Variants in ZSCAN18 observed in about 807,000 individuals in gnomAD.
ZSCAN18 encodes the protein zinc finger and SCAN domain-containing protein 18.
A neutral mutation model predicts 31.1 loss-of-function variants in ZSCAN18; 16 were observed. The ratio of observed to expected loss-of-function variants is 0.51; its 90% CI spans 0.35 to 0.78. ZSCAN18 has a LOEUF of 0.78. Ranked by LOEUF, ZSCAN18 falls within the 30% of genes least tolerant of loss-of-function variation. The probability of loss-of-function intolerance (pLI) is 0.01; values close to 1 mark genes in which losing one functional copy is unlikely to be tolerated. For missense variants in ZSCAN18, 731 were observed against 697.4 expected, an observed-to-expected ratio of 1.05 and a Z score of -0.54; for synonymous variants, 375 against 320.7, an observed-to-expected ratio of 1.17 and a Z score of -1.81.
At chr19:58,105,272 G>A (rs545840952) in intron 1 of ZSCAN18, among the ~76,000 whole-genome samples, 1 of 152,300 alleles carries the variant, frequency 6.6e-6, no homozygotes, top group South Asian at 2.1e-4. Context: ...AGACATAGAA[G>A]GAAATTAATG....
chr19:58,115,938 A>T (rs181510962), intron 1 of ZSCAN18, among the ~76,000 whole-genome samples: 6 of 151,982 alleles, frequency 3.9e-5, no homozygotes, highest in Admixed American at 2.6e-4. Flanking sequence ...AACGCTGAAA[A>T]CCTGGAAACT....
Position 58,085,358 on chromosome 19 carries a change from C to A in ZSCAN18, c.860G>T (p.Ser287Ile). Residue 287 changes from serine (S) to isoleucine (I), a missense_variant, in exon 7 of 7, where the codon AGC becomes ATC. This residue lies in a region of ZSCAN18 where 597 missense variants were observed against 499.5 expected (regional missense o/e 1.20). Coordinates refer to ENST00000601144, the MANE Select transcript of ZSCAN18 (RefSeq NM_001145543.2). The stretch of plus-strand genomic sequence containing the variant: ...GGCCTCCTCGCAGGCGCACCCAGCG[C>A]TCTCCTGCCGCCTCCCGCCTTCTGG... ...SLPEGGRRQE[S>I]AGCACEEAAP... 1.3e-6 allele frequency: 2 copies of A among 1,591,514 alleles called. No individual in the cohort carries two copies. The highest frequency in any genetic ancestry group is 1.7e-6 in the Non-Finnish European group (2 of 1,177,248).
intron 1 of ZSCAN18, chr19:58,107,714 G>C: frequency 1.0e-6 from 1 of 989,258 alleles, no homozygotes; most frequent in Non-Finnish European, 1.2e-6. Flanking sequence ...AGGAGGCAAA[G>C]AAAATCAGAT....
chr19:58,087,556 G>A (rs2074308394), intron 3 of ZSCAN18, 152 bp from the exon 4 acceptor site: 1 of 663,452 alleles, frequency 1.5e-6, no homozygotes, highest in South Asian at 1.9e-5. Flanking sequence ...ACCTTTCCCT[G>A]ATTTACAAAG....
At chr19:58,093,015 G>C (rs1275946607) in intron 1 of ZSCAN18, among the ~76,000 whole-genome samples, 3 of 152,034 alleles carry the variant, frequency 2.0e-5, no homozygotes, top group Non-Finnish European at 4.4e-5. Context: ...GGACTCAAGG[G>C]ATACGCCTGC....
chr19:58,089,010 T>TA lies in ZSCAN18; in HGVS notation c.404-174dup, dbSNP rs370002400. Among the ~76,000 whole-genome samples the TA allele has an allele frequency of 3.5e-3, 531 of 152,170 alleles. 4 individuals are homozygous for TA. Among genetic ancestry groups the TA allele is most frequent in the African/African-American group, 0.012 (487 of 41,486 alleles). ...GCAAAGTACCCAGAATATTTACTGTTAAGAGGCTGGGGGCCGGGCGCGGTG... is the reference window on the plus strand; with the variant it reads ...GCAAAGTACCCAGAATATTTACTGTTAAAGAGGCTGGGGGCCGGGCGCGGTG... On this transcript the variant is annotated intron_variant, in intron 2 of 6. Coordinates refer to ENST00000601144, the MANE Select transcript of ZSCAN18 (RefSeq NM_001145543.2).
At chr19:58,092,875 G>C (rs1374453244) in intron 1 of ZSCAN18, 1 of 210,914 alleles carries the variant, frequency 4.7e-6, no homozygotes, top group African/African-American at 2.4e-5. Context: ...CTGAGCTCAA[G>C]TGATCCTCCC....
At chr19:58,102,930 A>C (rs377672346), upstream of ZSCAN18, among the ~76,000 whole-genome samples, 2 of 152,150 alleles carry the variant, frequency 1.3e-5, no homozygotes, top group South Asian at 2.1e-4. Flanking sequence ...TCAGGAGTTC[A>C]AGACCAGCCT....
chr19:58,108,877 C>T, intron 1 of ZSCAN18: 1 of 1,006,874 alleles, frequency 9.9e-7, no homozygotes, highest in African/African-American at 1.7e-5. Context: ...ATCAAGGTGG[C>T]TAGGTTGTCC....
At chr19:58,107,465 G>A (rs111541027) in intron 1 of ZSCAN18, 31 of 165,170 alleles carry the variant, frequency 1.9e-4, no homozygotes, top group Middle Eastern at 3.2e-3. Flanking sequence ...GGAGTTTGAG[G>A]AAGGAGAATC....
At chr19:58,115,191 G>A (rs746946380) in intron 1 of ZSCAN18, among the ~76,000 whole-genome samples, 9 of 152,234 alleles carry the variant, frequency 5.9e-5, no homozygotes, top group Non-Finnish European at 1.2e-4. Context: ...GCTGCTCCCA[G>A]TGGTTGGCAG....
chr19:58,095,396 G>A (rs1165777117), intron 1 of ZSCAN18, among the ~76,000 whole-genome samples: 2 of 152,196 alleles, frequency 1.3e-5, no homozygotes, highest in African/African-American at 4.8e-5. Context: ...GGGAAATAGA[G>A]GCACGAGGCA....
At chr19:58,118,392 C>G (rs1473916096) in exon 1 of ZSCAN18, 1 of 1,521,654 alleles carries the variant, frequency 6.6e-7, no homozygotes, top group Non-Finnish European at 8.8e-7. Flanking sequence ...TCCGACTCTC[C>G]GCATGGGCGC....
Position 58,094,544 on chromosome 19 carries a change from C to T in ZSCAN18, c.-120+3630G>A, listed in dbSNP as rs548216676. Among the ~76,000 whole-genome samples the T allele has an allele frequency of 3.3e-5, 5 of 152,238 alleles. No homozygotes were observed. The South Asian group carries it at 6.2e-4, about 19-fold the overall frequency. On this transcript the variant is annotated intron_variant, in intron 1 of 6. Transcript: ENST00000601144. Reference sequence around the variant, plus strand: ...GCAAGTAAGCAACCAGAGCCCTGTGCGTACCCACAGGTTTGGCATGTTCTT... The same window carrying T: ...GCAAGTAAGCAACCAGAGCCCTGTGTGTACCCACAGGTTTGGCATGTTCTT...
At chr19:58,087,258 G>A (rs2074300023) in intron 4 of ZSCAN18, 58 bp downstream of exon 4, 2 of 1,500,466 alleles carry the variant, frequency 1.3e-6, no homozygotes, top group African/African-American at 2.8e-5. Context: ...GTGATGGGGA[G>A]GGGGATGCCT....
intron 1 of ZSCAN18, among the ~76,000 whole-genome samples, chr19:58,117,344 G>A (rs1336369196): frequency 6.6e-6 from 1 of 152,060 alleles, no homozygotes; most frequent in Admixed American, 6.6e-5. Context: ...AGAGGTTTGT[G>A]GAGAGGGCAG....
upstream of ZSCAN18, among the ~76,000 whole-genome samples, chr19:58,101,519 CTTT>C (rs59435037): frequency 1.8e-5 from 1 of 55,450 alleles, no homozygotes. Context: ...TTATCTTCTT[CTTT>C]TTTTTTTTTT....
At chr19:58,096,161 G>A (rs549120618) in intron 1 of ZSCAN18, among the ~76,000 whole-genome samples, 1 of 152,198 alleles carries the variant, frequency 6.6e-6, no homozygotes, top group African/African-American at 2.4e-5. Flanking sequence ...GAGCCCAGGA[G>A]TTGGAGGCTG....
chr19:58,092,885 C>T (rs2074442694), intron 1 of ZSCAN18: 3 of 180,134 alleles, frequency 1.7e-5, no homozygotes, highest in South Asian at 1.8e-4. Context: ...GTGATCCTCC[C>T]ACCCCAACCT....
Sources: allele counts gnomAD v4.1 joint callset (sites outside exome capture counted in the v4.1 genomes callset), GRCh38; gene constraint gnomAD v4.1.1; regional missense constraint gnomAD v4.1.1; transcripts MANE v1.5; gene names NCBI Gene and HGNC (gene_info 2026-07-23, HGNC 2026-07-21).